EDAR: variants seen among roughly 807,000 people sequenced by gnomAD.
The protein encoded by EDAR is tumor necrosis factor receptor superfamily member EDAR.
In EDAR, 38 loss-of-function variants were observed where a neutral mutation model predicts 51.3. The observed-to-expected ratio is 0.74, with a 90% CI of 0.57 to 0.97. EDAR has a LOEUF of 0.97. EDAR is among the 50% of genes least tolerant of loss of function. The pLI is 0.00. For synonymous variants in EDAR, 227 were observed against 242.1 expected (o/e 0.94, Z 0.58); for missense variants, 528 against 595.0 (o/e 0.89, Z 1.17).
chr2:108,983,891 G>A lies in EDAR; in HGVS notation c.-19+5069C>T, dbSNP rs536397162. ...TGCGTCCCCACTCCATCTCACACCCGATGCTGGAAGGTGTCCCTCTCTCCA... is the reference window on the plus strand; with the variant it reads ...TGCGTCCCCACTCCATCTCACACCCAATGCTGGAAGGTGTCCCTCTCTCCA... On this transcript the variant is annotated intron_variant, in intron 1 of 11. Transcript: ENST00000258443. Among the ~76,000 whole-genome samples, 78 of 152,294 alleles carry A rather than the reference G, an allele frequency of 5.1e-4. 1 individual carries two copies. The highest frequency in any genetic ancestry group is 6.5e-4 in the Non-Finnish European group (44 of 68,028).
At position 108,896,940 on chromosome 2, in the gene EDAR, C is replaced by T. The variant is rs947552141; in HGVS notation, c.1314G>A (p.Val438=). The T allele has an allele frequency of 7.4e-6, 12 of 1,612,782 alleles. No individual in the cohort carries two copies. Among genetic ancestry groups the T allele is most frequent in the Non-Finnish European group, 9.3e-6 (11 of 1,179,620 alleles). Residue 438 remains valine (V), a synonymous_variant, in exon 12 of 12, where the codon GTG becomes GTA. Coordinates refer to ENST00000258443, the MANE Select transcript of EDAR (RefSeq NM_022336.4). Reference sequence around the variant, plus strand: ...CAGCATGTGGCTGGGAGGCAGGTGGCACAACCCCCGCCCACTCCAGTATGT... The same window carrying T: ...CAGCATGTGGCTGGGAGGCAGGTGGTACAACCCCCGCCCACTCCAGTATGT... ...CADILEWAGV[V]PPASQPHAAS is the part of the protein sequence containing the mutation.
intron 11 of EDAR, among the ~76,000 whole-genome samples, chr2:108,905,840 A>G (rs1696791274): frequency 1.3e-5 from 2 of 149,124 alleles, no homozygotes; most frequent in South Asian, 4.1e-4. Flanking sequence ...AGCCTGACTT[A>G]GCTCAGAAGG....
chr2:108,897,374 A>C, intron 11 of EDAR, 145 bp from the exon 12 acceptor site: 1 of 795,154 alleles, frequency 1.3e-6, no homozygotes, highest in African/African-American at 1.7e-5. Flanking sequence ...CCTAAAACAA[A>C]TGCATAACTT....
chr2:108,916,776 G>A (rs1219593492), intron 5 of EDAR, among the ~76,000 whole-genome samples: 1 of 152,172 alleles, frequency 6.6e-6, no homozygotes, highest in African/African-American at 2.4e-5. Flanking sequence ...CTCGTGTCAG[G>A]ACTGAAGCTG....
intron 1 of EDAR, among the ~76,000 whole-genome samples, chr2:108,944,965 G>A (rs1321741370): frequency 6.6e-6 from 1 of 152,170 alleles, no homozygotes; most frequent in African/African-American, 2.4e-5. Context: ...GTTTCCCGTG[G>A]TGCAAAGGGC....
At chr2:108,929,172 G>C in intron 4 of EDAR, 26 bp downstream of exon 4, 1 of 1,613,392 alleles carries the variant, frequency 6.2e-7, no homozygotes, top group Non-Finnish European at 8.5e-7. Flanking sequence ...AGCATGCCAG[G>C]GTTTGCCAGG....
intron 1 of EDAR, among the ~76,000 whole-genome samples, chr2:108,976,622 G>A (rs980848061): frequency 2.0e-5 from 3 of 152,152 alleles, no homozygotes; most frequent in South Asian, 2.1e-4. Context: ...TCTCTGTTAT[G>A]TATTTGTCCA....
At chr2:108,934,307 AG>A (rs1697426547) in intron 1 of EDAR, among the ~76,000 whole-genome samples, 2 of 152,182 alleles carry the variant, frequency 1.3e-5, no homozygotes, top group African/African-American at 4.8e-5. Context: ...AGATACAGGC[AG>A]GAGGTGGGCC....
intron 1 of EDAR, among the ~76,000 whole-genome samples, chr2:108,982,250 C>T (rs995992987): frequency 6.6e-6 from 1 of 152,216 alleles, no homozygotes; most frequent in Non-Finnish European, 1.5e-5. Context: ...AACAGGAAAG[C>T]AGCCACCTCA....
intron 4 of EDAR, among the ~76,000 whole-genome samples, chr2:108,924,977 G>C (rs565621563): frequency 6.6e-6 from 1 of 152,282 alleles, no homozygotes; most frequent in African/African-American, 2.4e-5. Flanking sequence ...GCTCCTAGGT[G>C]GCCACCTGCT....
At chr2:108,901,283 G>A (rs963354917) in intron 11 of EDAR, among the ~76,000 whole-genome samples, 6 of 152,068 alleles carry the variant, frequency 3.9e-5, no homozygotes, top group Non-Finnish European at 8.8e-5. Context: ...AAAAATGAAT[G>A]AAAATAAAAA....
At chr2:108,937,636 G>A (rs544322795) in intron 1 of EDAR, among the ~76,000 whole-genome samples, 1 of 152,064 alleles carries the variant, frequency 6.6e-6, no homozygotes, top group East Asian at 1.9e-4. Context: ...GTATGTTTAT[G>A]TTTGTGTGTG....
At chr2:108,944,404 G>A (rs1446263874) in intron 1 of EDAR, among the ~76,000 whole-genome samples, 2 of 152,234 alleles carry the variant, frequency 1.3e-5, no homozygotes, top group African/African-American at 4.8e-5. Flanking sequence ...GTGAACCACC[G>A]TGCCCGGCCC....
At chr2:108,900,981 GAAC>G (rs1443636983) in intron 11 of EDAR, among the ~76,000 whole-genome samples, 4 of 151,984 alleles carry the variant, frequency 2.6e-5, no homozygotes, top group African/African-American at 9.7e-5. Context: ...GTAAATGATA[GAAC>G]AATTAGAAAA....
intron 3 of EDAR, 37 bp from the exon 4 acceptor site, chr2:108,929,416 G>T: frequency 6.2e-7 from 1 of 1,607,164 alleles, no homozygotes. Flanking sequence ...ACAGGTGAGT[G>T]CAGCAGCCAA....
intron 1 of EDAR, among the ~76,000 whole-genome samples, chr2:108,977,845 A>C (rs1416886452): frequency 6.6e-6 from 1 of 152,226 alleles, no homozygotes; most frequent in Non-Finnish European, 1.5e-5. Context: ...CTTCTGGTTC[A>C]CACACTTTTT....
chr2:108,920,396 C>T (rs192737297), intron 5 of EDAR, among the ~76,000 whole-genome samples: 3 of 152,322 alleles, frequency 2.0e-5, no homozygotes, highest in Non-Finnish European at 4.4e-5. Flanking sequence ...CTCCCTGCCC[C>T]CACTGTCATT....
At chr2:108,986,312 C>G (rs1181367889) in intron 1 of EDAR, among the ~76,000 whole-genome samples, 1 of 152,126 alleles carries the variant, frequency 6.6e-6, no homozygotes, top group African/African-American at 2.4e-5. Context: ...TCCTCTTGAT[C>G]CCTCGCCTCT....
At chr2:108,969,514 T>C (rs1479196572) in intron 1 of EDAR, among the ~76,000 whole-genome samples, 3 of 152,254 alleles carry the variant, frequency 2.0e-5, no homozygotes, top group African/African-American at 7.2e-5. Flanking sequence ...AGTGAGGATG[T>C]TGGCATGAAG....
Sources: allele counts gnomAD v4.1 joint callset (sites outside exome capture counted in the v4.1 genomes callset), GRCh38; gene constraint gnomAD v4.1.1; transcripts MANE v1.5; gene names NCBI Gene and HGNC (gene_info 2026-07-23, HGNC 2026-07-21).